ICA1: variants seen among roughly 807,000 people sequenced by gnomAD.
ICA1 encodes islet cell autoantigen 1, also known as 69 kDa islet cell autoantigen.
Under a neutral mutation model 71.0 loss-of-function variants are expected in ICA1, and 40 were observed. That is an observed-to-expected ratio of 0.56 (90% CI 0.44 to 0.73). ICA1 has a LOEUF of 0.73. Ranked by LOEUF, ICA1 falls within the 30% of genes least tolerant of loss-of-function variation. The probability of loss-of-function intolerance (pLI) is 0.00; values close to 1 mark genes in which losing one functional copy is unlikely to be tolerated. For missense variants in ICA1, 578 were observed against 576.5 expected, an observed-to-expected ratio of 1.00 and a Z score of -0.03; for synonymous variants, 207 against 209.5, an observed-to-expected ratio of 0.99 and a Z score of 0.10.
At chr7:8,216,912 A>C (rs1795589482) in intron 6 of ICA1, among the ~76,000 whole-genome samples, 1 of 152,176 alleles carries the variant, frequency 6.6e-6, no homozygotes, top group African/African-American at 2.4e-5. Flanking sequence ...AATGATAAGC[A>C]CTCTGCCCTG....
At position 8,144,770 on chromosome 7, in the gene ICA1, A is replaced by C. The variant is rs990537382; in HGVS notation, c.805-798T>G. On this transcript the variant is annotated intron_variant, in intron 8 of 13. Coordinates refer to ENST00000402384, the MANE Select transcript of ICA1 (RefSeq NM_001136020.3). This position sits in a 1 kb window ranked among gnomAD's most constrained non-coding sequence, Gnocchi z 4.5. ...ATCTCTATTTCTGGCCCTAATTAAA[A>C]TACAAACCTATAAATACAAAATAAA... 6.6e-6 allele frequency among the ~76,000 whole-genome samples: 1 copy of C among 152,244 alleles called. No individual in the cohort carries two copies. The highest frequency in any genetic ancestry group is 1.5e-5 in the Non-Finnish European group (1 of 68,038).
Position 8,158,636 on chromosome 7 carries a change from C to T in ICA1, c.596G>A (p.Arg199His), listed in dbSNP as rs1025651513. The T allele has an allele frequency of 1.1e-5, 17 of 1,613,736 alleles. No individual in the cohort carries two copies. The highest frequency in any genetic ancestry group is 1.6e-4 in the Middle Eastern group (1 of 6,082). The change falls in exon 7 of 14, where the codon CGC becomes CAC. Residue 199 changes from arginine (R) to histidine (H), a missense_variant. Physicochemically the swap from Arg to His is conservative, Grantham distance 29. Transcript: ENST00000402384. ...TTTGTCAAAGTTTTTTTTTGCAAGG[C>T]GCACTTGTGTTTGTACCTATGAAAA... The part of the protein sequence containing the change: ...EKFRKVQTQV[R>H]LAKKNFDKLK...
At chr7:8,151,666 A>G (rs1798853792) in intron 8 of ICA1, among the ~76,000 whole-genome samples, 1 of 152,266 alleles carries the variant, frequency 6.6e-6, no homozygotes, top group Non-Finnish European at 1.5e-5. Flanking sequence ...CAAAGCAAGT[A>G]ACTACAGAGC....
At chr7:8,196,081 C>T (rs12537262) in intron 6 of ICA1, among the ~76,000 whole-genome samples, 70,294 of 152,032 alleles carry the variant, frequency 0.46, 20,169 homozygotes, top group South Asian at 0.72. Flanking sequence ...CATCTTTATT[C>T]ATAGTTGCCA....
chr7:8,204,109 A>G (rs542260043), intron 6 of ICA1, among the ~76,000 whole-genome samples: 19 of 152,298 alleles, frequency 1.2e-4, no homozygotes, highest in African/African-American at 4.6e-4. Context: ...TGCTTGGAAC[A>G]TGAAACACTG....
rs79525040 is a variant in ICA1, at chr7:8,164,701, T to C, written c.580-6049A>G. Among the ~76,000 whole-genome samples the C allele has an allele frequency of 5.9e-3, 903 of 152,310 alleles. 13 individuals are homozygous for C. Among genetic ancestry groups the C allele is most frequent in the African/African-American group, 0.02 (843 of 41,552 alleles). On this transcript the variant is annotated intron_variant, in intron 6 of 13. Transcript: ENST00000402384. ...CATTCAGGGAAAATTTTAAGATCAC[T>C]GAATATATCAATTACTTCTTTTGGC...
intron 6 of ICA1, among the ~76,000 whole-genome samples, chr7:8,163,090 T>C (rs1804527836): frequency 1.3e-5 from 2 of 152,222 alleles, no homozygotes; most frequent in Admixed American, 6.5e-5. Flanking sequence ...TAGAGCCTCC[T>C]TAGTCTGGGT....
intron 2 of ICA1, 134 bp downstream of exon 2, chr7:8,235,776 G>T: frequency 1.2e-6 from 1 of 811,878 alleles, no homozygotes; most frequent in Non-Finnish European, 2.0e-6. Context: ...ACTGAATTTG[G>T]CTCAGCATTG....
rs537189302 is a variant in ICA1, at chr7:8,186,277, G to A, written c.580-27625C>T. 2.0e-5 allele frequency among the ~76,000 whole-genome samples: 3 copies of A among 152,298 alleles called. No homozygotes were observed. The South Asian group carries it at 6.2e-4, about 32-fold the overall frequency. ...ACAGGGACGCTCTCTGAGTGAAGAG[G>A]GCATCATTAATAGTGAAGCCTGGAC... On this transcript the variant is annotated intron_variant, in intron 6 of 13. Transcript: ENST00000402384.
chr7:8,220,435 T>C (rs1483692981), intron 5 of ICA1, among the ~76,000 whole-genome samples: 1 of 152,204 alleles, frequency 6.6e-6, no homozygotes, highest in South Asian at 2.1e-4. Context: ...GAAGAAAATG[T>C]TGGACAATTT....
intron 4 of ICA1, chr7:8,227,739 G>A (rs1394239350): frequency 4.9e-6 from 2 of 409,890 alleles, no homozygotes; most frequent in African/African-American, 2.1e-5. Context: ...ACGGTACCCG[G>A]ATAATTTTTA....
chr7:8,128,729 T>A (rs73674825), intron 12 of ICA1, among the ~76,000 whole-genome samples: 6 of 152,172 alleles, frequency 3.9e-5, no homozygotes, highest in African/African-American at 1.2e-4. Flanking sequence ...AAAGGAAAAG[T>A]GGGTCTGGTT....
At chr7:8,114,429 TC>T (rs1784141797) in intron 13 of ICA1, among the ~76,000 whole-genome samples, 1 of 152,226 alleles carries the variant, frequency 6.6e-6, no homozygotes, top group Non-Finnish European at 1.5e-5. Context: ...CTTTCCACTG[TC>T]TGCTGGAGGA....
intron 6 of ICA1, among the ~76,000 whole-genome samples, chr7:8,198,351 C>T (rs1562958279): frequency 6.6e-6 from 1 of 152,166 alleles, no homozygotes; most frequent in African/African-American, 2.4e-5. Context: ...AATCAAGTAG[C>T]TTGATGTTAT....
intron 1 of ICA1, among the ~76,000 whole-genome samples, chr7:8,242,930 T>G (rs1240734942): frequency 1.3e-5 from 2 of 152,154 alleles, no homozygotes; most frequent in African/African-American, 4.8e-5. Flanking sequence ...ATTAATAGCC[T>G]ACCAACCAAA....
chr7:8,240,600 A>C (rs1025191493), intron 1 of ICA1, among the ~76,000 whole-genome samples: 1 of 152,200 alleles, frequency 6.6e-6, no homozygotes. Flanking sequence ...AAGGTTGGTA[A>C]TAACAAACTT....
At chr7:8,253,428 A>AG (rs1212330207) in intron 1 of ICA1, among the ~76,000 whole-genome samples, 3 of 152,216 alleles carry the variant, frequency 2.0e-5, no homozygotes, top group Non-Finnish European at 4.4e-5. Context: ...AGAAGTAAAA[A>AG]TGTAAGGACA....
chr7:8,165,430 G>C (rs143011877), intron 6 of ICA1, among the ~76,000 whole-genome samples: 8 of 152,252 alleles, frequency 5.3e-5, no homozygotes, highest in Middle Eastern at 3.4e-3. Context: ...TTGAAAAAAT[G>C]TTTCTTCTCA....
chr7:8,131,697 G>A (rs189456896), intron 12 of ICA1, among the ~76,000 whole-genome samples: 16 of 152,262 alleles, frequency 1.1e-4, no homozygotes, highest in Admixed American at 2.0e-4. Context: ...CACATAACAC[G>A]TAAGAAAAAT....
Sources: gnomAD v4.1 joint callset for allele counts (sites outside exome capture counted in the v4.1 genomes callset) on GRCh38, gnomAD v4.1.1 for gene constraint, Gnocchi (gnomAD v3.1) non-coding constraint, MANE v1.5 for transcripts, NCBI Gene and HGNC (gene_info 2026-07-23, HGNC 2026-07-21) for gene names.